The following COL4A3 variants were observed in gnomAD, a reference collection of about 807,000 sequenced individuals.
COL4A3 encodes collagen type IV alpha 3 chain, also known as collagen alpha-3(IV) chain.
A neutral mutation model predicts 217.4 loss-of-function variants in COL4A3; 135 were observed. That is an observed-to-expected ratio of 0.62 (90% CI 0.54 to 0.72). The LOEUF is 0.72. Among genes scored for constraint, COL4A3 ranks in the 30% least tolerant of loss-of-function variants. The probability of loss-of-function intolerance (pLI) is 0.00; values close to 1 mark genes in which losing one functional copy is unlikely to be tolerated. For synonymous variants in COL4A3, 690 were observed against 736.3 expected, an observed-to-expected ratio of 0.94 and a Z score of 1.02; for missense variants, 1,868 against 2,119.9, an observed-to-expected ratio of 0.88 and a Z score of 2.33.
intron 41 of COL4A3, 45 bp downstream of exon 41, chr2:227,295,361 A>C (rs377211670): frequency 7.1e-6 from 11 of 1,557,506 alleles, no homozygotes; most frequent in Non-Finnish European, 8.0e-6. Flanking sequence ...ATTTTCAAGG[A>C]GAGAAAGCAG....
At chr2:227,296,610 G>A in intron 41 of COL4A3, 1 of 580,594 alleles carries the variant, frequency 1.7e-6, no homozygotes, top group Non-Finnish European at 2.2e-6. Context: ...TAATGAACAT[G>A]AAATATATAA....
intron 26 of COL4A3, among the ~76,000 whole-genome samples, chr2:227,273,406 T>A (rs1390584893): frequency 6.6e-6 from 1 of 152,098 alleles, no homozygotes; most frequent in Admixed American, 6.5e-5. Context: ...TGCAAATTTG[T>A]TTTTTGTGGT....
intron 31 of COL4A3, among the ~76,000 whole-genome samples, chr2:227,281,405 A>G (rs78496281): frequency 0.032 from 4,822 of 152,310 alleles, 137 homozygotes; most frequent in Admixed American, 0.045. Context: ...ATGCAATGAT[A>G]CCAGTTTAAA....
At position 227,242,984 on chromosome 2, in the gene COL4A3, T is replaced by A. The variant is rs1459777990; in HGVS notation, c.235-1336T>A. On this transcript the variant is annotated intron_variant, in intron 3 of 51. Coordinates refer to ENST00000396578, the MANE Select transcript of COL4A3 (RefSeq NM_000091.5). ...GCAGAAACTGAACACTGACTTCCTC[T>A]AAGGCATGGACCCAGGTTTTCTTCC... Among the ~76,000 whole-genome samples, 4 of 152,316 alleles carry A rather than the reference T, an allele frequency of 2.6e-5. No homozygotes were observed. The East Asian group carries it at 7.7e-4, about 29-fold the overall frequency.
intron 1 of COL4A3, among the ~76,000 whole-genome samples, chr2:227,190,370 T>C (rs570998677): frequency 6.6e-6 from 1 of 152,184 alleles, no homozygotes; most frequent in South Asian, 2.1e-4. Flanking sequence ...GACTCCCTTT[T>C]AAAATATGGA....
intron 1 of COL4A3, chr2:227,169,142 T>C: frequency 6.6e-6 from 1 of 150,810 alleles, no homozygotes; most frequent in Admixed American, 6.6e-5. Context: ...TATGCGGTGT[T>C]TGGTTTTTTG....
intron 50 of COL4A3, 90 bp from the exon 51 acceptor site, chr2:227,310,685 GT>G (rs2073706303): frequency 1.0e-6 from 1 of 1,002,742 alleles, no homozygotes; most frequent in South Asian, 1.3e-5. Flanking sequence ...TTTACTCACA[GT>G]TGCCCATTCA....
intron 1 of COL4A3, among the ~76,000 whole-genome samples, chr2:227,175,532 A>T (rs2065646318): frequency 6.6e-6 from 1 of 152,152 alleles, no homozygotes; most frequent in African/African-American, 2.4e-5. Flanking sequence ...ATAACATGAA[A>T]TTTTAAAAGC....
At position 227,279,785 on chromosome 2, in the gene COL4A3, C is replaced by G; in HGVS notation, c.2126-8C>G. On this transcript the variant is annotated splice_region_variant and splice_polypyrimidine_tract_variant and intron_variant, in intron 28 of 51. Coordinates refer to ENST00000396578, the MANE Select transcript of COL4A3 (RefSeq NM_000091.5). ...CCTACAACAATGTTTATTGTTTTTT[C>G]TCTGTAGGAGACCAAGGTTTTCCAG... is the stretch of plus-strand genomic sequence containing the variant. The G allele has an allele frequency of 6.3e-7, 1 of 1,589,076 alleles. No homozygotes were observed.
Position 227,282,573 on chromosome 2 carries a change from T to A in COL4A3, c.2656+41T>A. 6.3e-7 allele frequency: 1 copy of A among 1,589,488 alleles called. No homozygotes were observed. The highest frequency in any genetic ancestry group is 8.6e-7 in the Non-Finnish European group (1 of 1,158,770). On this transcript the variant is annotated intron_variant, in intron 32 of 51. Coordinates refer to ENST00000396578, the MANE Select transcript of COL4A3 (RefSeq NM_000091.5). This position sits in a 1 kb window ranked among gnomAD's most constrained non-coding sequence, Gnocchi z 4.4. ...TTTCTATTTTTCTTCTTATTTCTTC[T>A]TCTTCTTAAGGTGGCTCTGTCAACT... is the stretch of plus-strand genomic sequence containing the variant.
At chr2:227,289,842 C>T (rs1015126639) in intron 35 of COL4A3, among the ~76,000 whole-genome samples, 157 bp from the exon 36 acceptor site, 1 of 152,132 alleles carries the variant, frequency 6.6e-6, no homozygotes, top group Non-Finnish European at 1.5e-5. Context: ...GTCCCTAGTT[C>T]CCTCTTATTT....
chr2:227,183,125 G>A (rs1198256492), intron 1 of COL4A3, among the ~76,000 whole-genome samples: 1 of 152,002 alleles, frequency 6.6e-6, no homozygotes, highest in Non-Finnish European at 1.5e-5. Context: ...GCTCTTTTTG[G>A]CCTCTAATTT....
At chr2:227,226,621 C>G (rs989613187) in intron 1 of COL4A3, among the ~76,000 whole-genome samples, 1 of 152,140 alleles carries the variant, frequency 6.6e-6, no homozygotes, top group Non-Finnish European at 1.5e-5. Flanking sequence ...AGGCACTCAA[C>G]ATCATGCCAA....
At chr2:227,219,070 CTG>C (rs1243099225) in intron 1 of COL4A3, among the ~76,000 whole-genome samples, 1 of 152,058 alleles carries the variant, frequency 6.6e-6, no homozygotes, top group Non-Finnish European at 1.5e-5. Flanking sequence ...TCATGGCTCA[CTG>C]CAACCTCCAC....
At position 227,282,546 on chromosome 2, in the gene COL4A3, T is replaced by C; in HGVS notation, c.2656+14T>C. 6.2e-7 allele frequency: 1 copy of C among 1,611,974 alleles called. No individual in the cohort carries two copies. Among genetic ancestry groups the C allele is most frequent in the Non-Finnish European group, 8.5e-7 (1 of 1,178,602 alleles). On this transcript the variant is annotated intron_variant, in intron 32 of 51. Coordinates refer to ENST00000396578, the MANE Select transcript of COL4A3 (RefSeq NM_000091.5). This position sits in a 1 kb window ranked among gnomAD's most constrained non-coding sequence, Gnocchi z 4.4. ...TAGGGCCACCAGGTATCCTTTTGTGTGTTTCTATTTTTCTTCTTATTTCTT... is the reference window on the plus strand; with the variant it reads ...TAGGGCCACCAGGTATCCTTTTGTGCGTTTCTATTTTTCTTCTTATTTCTT...
chr2:227,264,042 T>C (rs1426452095), intron 21 of COL4A3, 98 bp downstream of exon 21: 2 of 1,419,018 alleles, frequency 1.4e-6, no homozygotes, highest in Non-Finnish European at 2.0e-6. Context: ...TAGCCATCAG[T>C]CTGTGTGGTT....
chr2:227,167,212 C>T (rs1438722343), intron 1 of COL4A3, among the ~76,000 whole-genome samples: 3 of 152,304 alleles, frequency 2.0e-5, no homozygotes, highest in Admixed American at 2.0e-4. Flanking sequence ...GGATGTGTTT[C>T]GCTCCAATTT....
intron 6 of COL4A3, chr2:227,246,245 A>G (rs967851549): frequency 1.7e-6 from 1 of 578,570 alleles, no homozygotes; most frequent in African/African-American, 1.9e-5. Flanking sequence ...TTGGAGCTCA[A>G]CTGGTTGTTT....
chr2:227,277,613 T>G (rs2071662306), intron 28 of COL4A3, 60 bp downstream of exon 28: 3 of 968,192 alleles, frequency 3.1e-6, no homozygotes, highest in Non-Finnish European at 4.8e-6. Context: ...GATGTTCATA[T>G]GTATAAATAA....
Sources: allele counts gnomAD v4.1 joint callset (sites outside exome capture counted in the v4.1 genomes callset), GRCh38; gene constraint gnomAD v4.1.1; non-coding constraint Gnocchi (gnomAD v3.1); transcripts MANE v1.5; gene names NCBI Gene and HGNC (gene_info 2026-07-23, HGNC 2026-07-21).